The following OTOP1 variants were observed in gnomAD, a reference collection of about 807,000 sequenced individuals.
The protein encoded by OTOP1 is proton channel OTOP1.
OTOP1 carries 59 observed loss-of-function variants against 52.9 expected under a neutral mutation model. That is an observed-to-expected ratio of 1.12 (90% confidence interval 0.91 to 1.39). The LOEUF is 1.39. OTOP1 is among the 40% of genes most tolerant of loss of function. The probability of loss-of-function intolerance (pLI) is 0.00; values close to 1 mark genes in which losing one functional copy is unlikely to be tolerated. For synonymous variants in OTOP1, 317 were observed against 337.7 expected (o/e 0.94, Z 0.67); for missense variants, 761 against 800.9 (o/e 0.95, Z 0.60).
rs1162858777 is a variant in OTOP1 at position 4,197,317 on chromosome 4, C to G, written c.1517G>C (p.Arg506Thr). Residue 506 changes from arginine (R) to threonine (T), a missense_variant, in exon 5 of 6, where the codon AGA becomes ACA. Around this residue, in one of 3 missense-constraint regions of OTOP1, gnomAD observed 632 missense variants for 619.5 expected, o/e 1.02. Coordinates refer to ENST00000296358, the MANE Select transcript of OTOP1 (RefSeq NM_177998.3). ...CTCCTCCTCCTTGTCATGGCTTTCT[C>G]TCATGCACACATTTCCATTGGCTGC... ...PPAANGNVCM[R>T]ESHDKEEEKQ... 8 of 1,614,046 alleles carry G rather than the reference C, an allele frequency of 5.0e-6. No homozygotes were observed. Among genetic ancestry groups the G allele is most frequent in the South Asian group, 3.3e-5 (3 of 91,074 alleles).
chr4:4,202,336 TG>T, intron 4 of OTOP1, 111 bp downstream of exon 4: 1 of 1,459,398 alleles, frequency 6.9e-7, no homozygotes, highest in Non-Finnish European at 9.5e-7. Context: ...CTGAGTTGGG[TG>T]GCCCTGCAGT....
intron 4 of OTOP1, among the ~76,000 whole-genome samples, chr4:4,198,888 T>C (rs1273630066): frequency 6.6e-6 from 1 of 152,112 alleles, no homozygotes; most frequent in African/African-American, 2.4e-5. Context: ...AATAAAAAAA[T>C]GTAATCAAAG....
chr4:4,211,002 ACAGCTTTCAAGTGCAAGG>A, intron 2 of OTOP1, among the ~76,000 whole-genome samples: 1 of 152,112 alleles, frequency 6.6e-6, no homozygotes, highest in East Asian at 1.9e-4. Flanking sequence ...TCAGTCCATA[ACAGCTTTCAAGTGCAAGG>A]CAGCCCCTCC....
At chr4:4,190,335 A>G (rs1032289059) in intron 5 of OTOP1, among the ~76,000 whole-genome samples, 15 of 152,174 alleles carry the variant, frequency 9.9e-5, no homozygotes, top group Admixed American at 7.9e-4. Flanking sequence ...TTAGCCAGGT[A>G]TGGCGGCATG....
chr4:4,192,565 A>G (rs1487707966), intron 5 of OTOP1, among the ~76,000 whole-genome samples: 1 of 152,156 alleles, frequency 6.6e-6, no homozygotes, highest in East Asian at 1.9e-4. Context: ...GGCACCTGAA[A>G]CAGAACACGT....
chr4:4,226,412 A>G (rs1717433572), intron 1 of OTOP1, 50 bp downstream of exon 1: 2 of 1,381,090 alleles, frequency 1.4e-6, no homozygotes, highest in South Asian at 3.2e-5. Context: ...CTCAGGATGC[A>G]GCCAGCGGGC....
intron 1 of OTOP1, among the ~76,000 whole-genome samples, chr4:4,224,346 CAA>C (rs57436899): frequency 1.7e-5 from 2 of 115,306 alleles, no homozygotes; most frequent in Admixed American, 9.4e-5. Flanking sequence ...GACTCCATCT[CAA>C]AAAAAAAAAA....
intron 4 of OTOP1, 142 bp downstream of exon 4, chr4:4,202,306 A>G: frequency 8.9e-7 from 1 of 1,128,580 alleles, no homozygotes; most frequent in Non-Finnish European, 1.3e-6. Context: ...TTTCAACAAC[A>G]GCGGGCTGTC....
At chr4:4,210,138 G>C (rs1336391305) in intron 2 of OTOP1, among the ~76,000 whole-genome samples, 4 of 152,202 alleles carry the variant, frequency 2.6e-5, no homozygotes, top group Non-Finnish European at 5.9e-5. Flanking sequence ...AGATTTTGCA[G>C]CCTTGTATTC....
intron 4 of OTOP1, among the ~76,000 whole-genome samples, chr4:4,198,655 A>G (rs1716707788): frequency 1.3e-5 from 2 of 152,182 alleles, no homozygotes; most frequent in Admixed American, 1.3e-4. Context: ...CTCCAGTGCA[A>G]GCAGGCATGC....
intron 1 of OTOP1, among the ~76,000 whole-genome samples, chr4:4,222,057 T>C (rs1415631138): frequency 6.6e-6 from 1 of 152,156 alleles, no homozygotes; most frequent in Non-Finnish European, 1.5e-5. Context: ...CATTCAATCA[T>C]TCAATTATTT....
chr4:4,218,599 G>A lies in OTOP1; in HGVS notation c.404-5595C>T, dbSNP rs115725241. Reference sequence around the variant, plus strand: ...AGTGGGACACAGTGTGGCTCACTGAGGGAAATGTTCAATATTTTGTTTTCA... The same window carrying A: ...AGTGGGACACAGTGTGGCTCACTGAAGGAAATGTTCAATATTTTGTTTTCA... On this transcript the variant is annotated intron_variant, in intron 1 of 5. Transcript: ENST00000296358. 9.1e-3 allele frequency among the ~76,000 whole-genome samples: 1,380 copies of A among 152,228 alleles called. 31 individuals carry two copies. The highest frequency in any genetic ancestry group is 0.03 in the African/African-American group (1,264 of 41,512).
intron 5 of OTOP1, among the ~76,000 whole-genome samples, chr4:4,196,582 G>C (rs1474984217): frequency 6.6e-6 from 1 of 152,110 alleles, no homozygotes; most frequent in African/African-American, 2.4e-5. Flanking sequence ...TTTTAAATTA[G>C]CCAGGTGTGG....
Position 4,194,013 on chromosome 4 carries a change from C to T in OTOP1, c.1668+3153G>A, listed in dbSNP as rs140396263. On this transcript the variant is annotated intron_variant, in intron 5 of 5. Coordinates refer to ENST00000296358, the MANE Select transcript of OTOP1 (RefSeq NM_177998.3). ...GACCACCCTGACCAACCTAGTGAAA[C>T]CCTGTCTCTACTAAAAATAGAAAAA... is the stretch of plus-strand genomic sequence containing the variant. Among the ~76,000 whole-genome samples the T allele has an allele frequency of 9.8e-3, 1,495 of 152,254 alleles. 6 individuals are homozygous for T. Among genetic ancestry groups the T allele is most frequent in the Non-Finnish European group, 0.014 (962 of 68,018 alleles).
chr4:4,190,123 G>A (rs1170738572), intron 5 of OTOP1, among the ~76,000 whole-genome samples: 5 of 152,102 alleles, frequency 3.3e-5, no homozygotes, highest in East Asian at 1.9e-4. Flanking sequence ...ATATACAGCC[G>A]ACCTCTGTAT....
intron 1 of OTOP1, among the ~76,000 whole-genome samples, chr4:4,213,686 T>C (rs1577182499): frequency 6.6e-6 from 1 of 152,244 alleles, no homozygotes; most frequent in African/African-American, 2.4e-5. Flanking sequence ...TGTATGTCTA[T>C]ACCTCATTGT....
chr4:4,219,917 A>G (rs1717247572), intron 1 of OTOP1, among the ~76,000 whole-genome samples: 2 of 140,974 alleles, frequency 1.4e-5, no homozygotes, highest in African/African-American at 2.8e-5. Flanking sequence ...ATGTGTGTAT[A>G]TACGTATACA....
rs962181710 is a variant in OTOP1 at position 4,210,982 on chromosome 4, G to A, written c.540+1886C>T. On this transcript the variant is annotated intron_variant, in intron 2 of 5. Coordinates refer to ENST00000296358, the MANE Select transcript of OTOP1 (RefSeq NM_177998.3). The stretch of plus-strand genomic sequence containing the variant: ...GGGTTTCGGCAAATGAATTTCACAG[G>A]GGATACAACTCAGTCCATAACAGCT... 9.1e-4 allele frequency among the ~76,000 whole-genome samples: 139 copies of A among 152,194 alleles called. 1 individual carries two copies. Among genetic ancestry groups the A allele is most frequent in the African/African-American group, 3.2e-3 (133 of 41,496 alleles).
intron 2 of OTOP1, among the ~76,000 whole-genome samples, chr4:4,206,684 A>G (rs539788518): frequency 1.2e-4 from 18 of 152,354 alleles, no homozygotes; most frequent in Admixed American, 7.8e-4. Context: ...GCTATATAGT[A>G]TCAGACCTGT....
Sources: gnomAD v4.1 joint callset for allele counts (sites outside exome capture counted in the v4.1 genomes callset) on GRCh38, gnomAD v4.1.1 for gene constraint, gnomAD v4.1.1 regional missense constraint, MANE v1.5 for transcripts, NCBI Gene and HGNC (gene_info 2026-07-23, HGNC 2026-07-21) for gene names.